TRDMT1: variants seen among roughly 807,000 people sequenced by gnomAD.
TRDMT1 encodes the protein tRNA aspartic acid methyltransferase 1, also known as tRNA (cytosine(38)-C(5))-methyltransferase.
A neutral mutation model predicts 51.2 loss-of-function variants in TRDMT1; 49 were observed. That is an observed-to-expected ratio of 0.96 (90% CI 0.76 to 1.21). The LOEUF is 1.21. Among genes scored for constraint, TRDMT1 ranks in the 50% most tolerant of loss-of-function variants. TRDMT1 has a pLI of 0.00. For synonymous variants in TRDMT1, 187 were observed against 164.6 expected (o/e 1.14, Z -1.04); for missense variants, 534 against 462.3 (o/e 1.16, Z -1.42).
intron 5 of TRDMT1, among the ~76,000 whole-genome samples, chr10:17,161,212 T>C (rs374060913): frequency 2.0e-5 from 3 of 152,174 alleles, no homozygotes; most frequent in East Asian, 3.8e-4. Flanking sequence ...TATAAATGAC[T>C]AAAACTGAGA....
chr10:17,161,312 T>C lies in TRDMT1; in HGVS notation c.389+171A>G, dbSNP rs552480856. ...GTTGAACAAAACTTGGTAATACTTA[T>C]TGTAATACTTACTAATACATTATTA... On this transcript the variant is annotated intron_variant, in intron 5 of 10. Transcript: ENST00000377799. 7.2e-5 allele frequency among the ~76,000 whole-genome samples: 11 copies of C among 152,328 alleles called. No homozygotes were observed. In the East Asian group the frequency reaches 2.1e-3, roughly 29 times the overall value.
At chr10:17,153,244 G>A in intron 10 of TRDMT1, 1 of 491,468 alleles carries the variant, frequency 2.0e-6, no homozygotes, top group Middle Eastern at 5.1e-4. Flanking sequence ...AAGAGGCAAG[G>A]AGTTGCCAAT....
chr10:17,198,203 T>C (rs1845702362), intron 1 of TRDMT1, among the ~76,000 whole-genome samples: 1 of 152,196 alleles, frequency 6.6e-6, no homozygotes, highest in African/African-American at 2.4e-5. Flanking sequence ...GGAGTGCTCA[T>C]GCAATGGAAA....
chr10:17,170,401 A>C (rs2131493141), intron 2 of TRDMT1, among the ~76,000 whole-genome samples: 1 of 152,324 alleles, frequency 6.6e-6, no homozygotes, highest in African/African-American at 2.4e-5. Context: ...TTGATTTTTT[A>C]CCTTATATGA....
intron 1 of TRDMT1, among the ~76,000 whole-genome samples, chr10:17,179,995 T>G (rs1843078643): frequency 6.6e-6 from 1 of 152,148 alleles, no homozygotes; most frequent in South Asian, 2.1e-4. Context: ...CTAAAGACAC[T>G]TTCTAGCCCT....
At chr10:17,179,371 C>T (rs879555103) in intron 1 of TRDMT1, among the ~76,000 whole-genome samples, 1 of 152,046 alleles carries the variant, frequency 6.6e-6, no homozygotes, top group African/African-American at 2.4e-5. Flanking sequence ...TACCCTTAGT[C>T]CTGAGGATGC....
At chr10:17,176,929 T>C (rs947003328) in intron 1 of TRDMT1, among the ~76,000 whole-genome samples, 1 of 152,136 alleles carries the variant, frequency 6.6e-6, no homozygotes, top group African/African-American at 2.4e-5. Context: ...GAATTTTGCC[T>C]ATGTGAGCTC....
rs1178163838 is a variant in TRDMT1 at position 17,201,620 on chromosome 10, C to T, written c.15G>A (p.Arg5=). The change falls in exon 1 of 11, where the codon CGG becomes CGA. Residue 5 remains arginine (R), a synonymous_variant. Transcript: ENST00000377799. The part of the protein sequence containing the change: MEPL[R]VLELYSGVGG... ...CCACGCCGCTGTATAGCTCCAGCAC[C>T]CGCAGGGGCTCCATCCCCGCGCCTC... The T allele has an allele frequency of 1.9e-6, 3 of 1,545,842 alleles. No individual in the cohort carries two copies. The highest frequency in any genetic ancestry group is 2.6e-6 in the Non-Finnish European group (3 of 1,144,982).
chr10:17,154,625 CAA>C, intron 9 of TRDMT1, 50 bp downstream of exon 9: 2 of 1,439,604 alleles, frequency 1.4e-6, no homozygotes, highest in Non-Finnish European at 1.9e-6. Context: ...AAGTATTAAA[CAA>C]TTTTAGTTAA....
chr10:17,139,298 C>A lies in TRDMT1; in HGVS notation c.*9742G>T. ...ATTTAGACACCATTCATACGATAAT[C>A]AAAGGAAAATGTCTGATTGCACTCA... On this transcript the variant is annotated 3_prime_UTR_variant, in exon 11 of 11. Coordinates refer to ENST00000377799, the MANE Select transcript of TRDMT1 (RefSeq NM_004412.7). The A allele has an allele frequency of 1.3e-6, 1 of 794,966 alleles. No individual in the cohort carries two copies. The highest frequency in any genetic ancestry group is 1.5e-6 in the Non-Finnish European group (1 of 656,050). 49.2% of individuals were successfully genotyped at this position (794,966 alleles called of 1,614,324 possible). A position where few individuals can be genotyped will look rare whatever the true frequency, so the allele number is the denominator to read the frequency against.
chr10:17,192,311 G>C (rs1208660964), intron 1 of TRDMT1, among the ~76,000 whole-genome samples: 4 of 152,060 alleles, frequency 2.6e-5, no homozygotes, highest in African/African-American at 9.7e-5. Context: ...GTTTTGGAAG[G>C]GATCAGAGAC....
intron 10 of TRDMT1, chr10:17,151,730 T>G (rs1322725167): frequency 2.4e-6 from 2 of 844,452 alleles, no homozygotes; most frequent in East Asian, 1.2e-4. Flanking sequence ...GAAATAAAGA[T>G]TATAAAAGTA....
intron 10 of TRDMT1, chr10:17,151,549 T>TC: frequency 1.0e-6 from 1 of 985,596 alleles, no homozygotes; most frequent in Non-Finnish European, 1.2e-6. Context: ...ACGGTGCTGC[T>TC]CAGTGGTGAC....
intron 3 of TRDMT1, among the ~76,000 whole-genome samples, chr10:17,163,440 C>T (rs936666252): frequency 6.6e-6 from 1 of 151,904 alleles, no homozygotes; most frequent in African/African-American, 2.4e-5. Context: ...AAATTTACAC[C>T]CTAACATCAC....
intron 3 of TRDMT1, among the ~76,000 whole-genome samples, chr10:17,167,276 T>C (rs1160379551): frequency 6.6e-6 from 1 of 152,210 alleles, no homozygotes; most frequent in Non-Finnish European, 1.5e-5. Flanking sequence ...AGAATATTCA[T>C]TCACTGAATT....
chr10:17,144,571 T>C lies in TRDMT1; in HGVS notation c.*4469A>G. 2.0e-6 allele frequency: 2 copies of C among 985,612 alleles called. No homozygotes were observed. The highest frequency in any genetic ancestry group is 1.2e-6 in the Non-Finnish European group (1 of 829,916). The allele number at this position is 985,612 out of a possible 1,614,324, so 61.1% of individuals were successfully genotyped here. ...AGTAAGACTCAGAATCTATGGTAAA[T>C]ATAAAGCCAATGTATATGAGAACTT... On this transcript the variant is annotated 3_prime_UTR_variant, in exon 11 of 11. Coordinates refer to ENST00000377799, the MANE Select transcript of TRDMT1 (RefSeq NM_004412.7).
intron 3 of TRDMT1, among the ~76,000 whole-genome samples, chr10:17,168,409 C>T (rs1841500838): frequency 6.6e-6 from 1 of 152,148 alleles, no homozygotes; most frequent in Admixed American, 6.5e-5. Context: ...TTCAGAGTGT[C>T]CATGTTTGAC....
chr10:17,157,073 T>G (rs2131403256), intron 8 of TRDMT1, among the ~76,000 whole-genome samples: 1 of 152,342 alleles, frequency 6.6e-6, no homozygotes, highest in Admixed American at 6.5e-5. Flanking sequence ...ATTTAATTTC[T>G]TATTATACAT....
Position 17,157,537 on chromosome 10 carries a change from T to C in TRDMT1, c.791A>G (p.Asn264Ser). 1 of 1,614,064 alleles carries C rather than the reference T, an allele frequency of 6.2e-7. No individual in the cohort carries two copies. The highest frequency in any genetic ancestry group is 2.2e-5 in the East Asian group (1 of 44,856). The change falls in exon 8 of 11, where the codon AAC becomes AGC. Residue 264 changes from asparagine (N) to serine (S), a missense_variant. Transcript: ENST00000377799. ...TGACTTTGGTGGTAAAAGATACTGG[T>C]TCACGTCAGTGTCATCTTCAAGAAA... ...KDFLEDDTDV[N>S]QYLLPPKSLL...
Sources: gnomAD v4.1 joint callset for allele counts (sites outside exome capture counted in the v4.1 genomes callset) on GRCh38, gnomAD v4.1.1 for gene constraint, MANE v1.5 for transcripts, NCBI Gene and HGNC (gene_info 2026-07-23, HGNC 2026-07-21) for gene names.